KAT6A: variants seen among roughly 807,000 people sequenced by gnomAD.
KAT6A encodes histone acetyltransferase KAT6A.
KAT6A carries 9 observed loss-of-function variants against 198.4 expected under a neutral mutation model. That is an observed-to-expected ratio of 0.05 (90% confidence interval 0.03 to 0.08). The LOEUF is 0.08. Ranked by LOEUF, KAT6A falls within the 10% of genes least tolerant of loss-of-function variation. The pLI is 1.00. For missense variants in KAT6A, 2,077 were observed against 2,509.9 expected, an observed-to-expected ratio of 0.83 and a Z score of 3.69; for synonymous variants, 890 against 883.0, an observed-to-expected ratio of 1.01 and a Z score of -0.14.
intron 2 of KAT6A, among the ~76,000 whole-genome samples, chr8:42,008,404 C>T (rs1236596317): frequency 6.6e-6 from 1 of 152,156 alleles, no homozygotes; most frequent in African/African-American, 2.4e-5. Flanking sequence ...GTGGCACAAT[C>T]TTGGCTCACT....
At chr8:41,967,052 AT>A (rs1463845953) in intron 8 of KAT6A, among the ~76,000 whole-genome samples, 1 of 152,138 alleles carries the variant, frequency 6.6e-6, no homozygotes, top group Non-Finnish European at 1.5e-5. Context: ...ACGCAAAGAA[AT>A]TTTAATAACC....
intron 2 of KAT6A, among the ~76,000 whole-genome samples, chr8:42,043,212 A>T (rs1249599733): frequency 6.6e-6 from 1 of 152,240 alleles, no homozygotes; most frequent in Non-Finnish European, 1.5e-5. Context: ...ATAAATAATG[A>T]ATAACTGAAG....
In KAT6A at chr8:41,933,084, G is replaced by A. The variant is rs760164303; in HGVS notation, c.5136C>T (p.Thr1712=). Residue 1712 remains threonine (T), a synonymous_variant, in exon 17 of 17, where the codon ACC becomes ACT. Coordinates refer to ENST00000265713, the MANE Select transcript of KAT6A (RefSeq NM_006766.5). This position sits in a 1 kb window ranked among gnomAD's most constrained non-coding sequence, Gnocchi z 6.2. ...GTATCTCCATGATCATAGGAGCTGG[G>A]GTGAAACTGTTATTCATACTACACT... ...LSQCSMNNSF[T]PAPMIMEIPE... 6.2e-7 allele frequency: 1 copy of A among 1,612,746 alleles called. No homozygotes were observed. The highest frequency in any genetic ancestry group is 1.7e-5 in the Admixed American group (1 of 59,922).
At chr8:41,963,341 A>G (rs996416599) in intron 8 of KAT6A, among the ~76,000 whole-genome samples, 9 of 152,206 alleles carry the variant, frequency 5.9e-5, no homozygotes, top group African/African-American at 2.2e-4. Flanking sequence ...TAGATTTCAC[A>G]CAATCCCACA....
At chr8:41,937,929 G>A (rs1046227968) in intron 15 of KAT6A, among the ~76,000 whole-genome samples, 1 of 152,164 alleles carries the variant, frequency 6.6e-6, no homozygotes, top group African/African-American at 2.4e-5. Context: ...GAGCAAAAGA[G>A]AAATAAAAAC....
chr8:41,932,193 A>G lies in KAT6A; in HGVS notation c.*12T>C, dbSNP rs1231109337. 1 of 1,534,656 alleles carries G rather than the reference A, an allele frequency of 6.5e-7. No homozygotes were observed. On this transcript the variant is annotated 3_prime_UTR_variant, in exon 17 of 17. Coordinates refer to ENST00000265713, the MANE Select transcript of KAT6A (RefSeq NM_006766.5). ...ATATATATTTAAGTTTTTGATTGCA[A>G]GTTCATCTTGCTCATCTTCTCATGT... is the stretch of plus-strand genomic sequence containing the variant.
intron 2 of KAT6A, among the ~76,000 whole-genome samples, chr8:42,020,867 T>C (rs1826495156): frequency 6.6e-6 from 1 of 152,192 alleles, no homozygotes; most frequent in African/African-American, 2.4e-5. Flanking sequence ...ATTCCTAATA[T>C]GAACCAGGCC....
At chr8:41,941,650 A>G (rs913074230) in intron 14 of KAT6A, among the ~76,000 whole-genome samples, 6 of 152,216 alleles carry the variant, frequency 3.9e-5, no homozygotes, top group Non-Finnish European at 8.8e-5. Context: ...CCCAACAATC[A>G]TATGAAGTAT....
intron 2 of KAT6A, among the ~76,000 whole-genome samples, chr8:42,035,068 C>T (rs917542280): frequency 1.3e-5 from 2 of 152,138 alleles, no homozygotes; most frequent in East Asian, 3.8e-4. Context: ...GAAGAAACTA[C>T]TAAGGTAATC....
chr8:42,050,127 A>T (rs937690883), intron 1 of KAT6A, among the ~76,000 whole-genome samples: 2 of 152,218 alleles, frequency 1.3e-5, no homozygotes, highest in African/African-American at 4.8e-5. Flanking sequence ...CACATACTAC[A>T]TATCAAACGG....
At chr8:41,946,815 A>T in intron 11 of KAT6A, 131 bp from the exon 12 acceptor site, 1 of 620,716 alleles carries the variant, frequency 1.6e-6, no homozygotes, top group Non-Finnish European at 2.9e-6. Context: ...GTACATCAAC[A>T]AACAACTACC....
At position 41,933,588 on chromosome 8, in the gene KAT6A, C is replaced by T; in HGVS notation, c.4632G>A (p.Gln1544=). The T allele has an allele frequency of 6.2e-7, 1 of 1,614,162 alleles. No individual in the cohort carries two copies. Among genetic ancestry groups the T allele is most frequent in the East Asian group, 2.2e-5 (1 of 44,878 alleles). ...GGTCACTGAAGCCGCTGTCCACCAC[C>T]TGCTGAGAGTGGTCTGATACGGAAG... ...DVPSVSDHSQ[Q]VVDSGFSDLG... is the part of the protein sequence containing the mutation. Residue 1544 remains glutamine (Q), a synonymous_variant, in exon 17 of 17, where the codon CAG becomes CAA. Coordinates refer to ENST00000265713, the MANE Select transcript of KAT6A (RefSeq NM_006766.5). The surrounding 1 kb of genome is among the most constrained non-coding windows in gnomAD (Gnocchi z 6.2).
rs552499487 is a variant in KAT6A, at chr8:41,931,565, GGT to G, written c.*638_*639del. ...ACATTCTTGGGGAAGGGTTTCAAGA[GGT>G]GTGTGTGTGTGAGGAGTGGAGGGGA... On this transcript the variant is annotated 3_prime_UTR_variant, in exon 17 of 17. Transcript: ENST00000265713. 1.1e-4 allele frequency: 22 copies of G among 204,552 alleles called. No individual in the cohort carries two copies. The highest frequency in any genetic ancestry group is 1.2e-4 in the Non-Finnish European group (12 of 99,894). The allele number at this position is 204,552 out of a possible 1,614,324, so 12.7% of individuals were successfully genotyped here.
In KAT6A at chr8:42,048,262, T is replaced by C; in HGVS notation, c.600+116A>G. The C allele has an allele frequency of 7.7e-6, 8 of 1,034,266 alleles. No individual in the cohort carries two copies. The Admixed American group carries it at 1.6e-4, about 21-fold the overall frequency. 64.1% of individuals were successfully genotyped at this position (1,034,266 alleles called of 1,614,324 possible). A position where few individuals can be genotyped will look rare whatever the true frequency, so the allele number is the denominator to read the frequency against. On this transcript the variant is annotated intron_variant, in intron 2 of 16. Coordinates refer to ENST00000265713, the MANE Select transcript of KAT6A (RefSeq NM_006766.5). ...CAACTCACCAATAAAAAACCAGAGG[T>C]GATCACTCCACAGAAGTCCCCAAAC... is the stretch of plus-strand genomic sequence containing the variant.
chr8:42,010,848 C>A (rs1399769545), intron 2 of KAT6A, among the ~76,000 whole-genome samples: 1 of 152,168 alleles, frequency 6.6e-6, no homozygotes, highest in Non-Finnish European at 1.5e-5. Flanking sequence ...CCTAAGCCTA[C>A]TGGCAAAGAA....
At chr8:41,990,949 T>C (rs1293859294) in intron 2 of KAT6A, among the ~76,000 whole-genome samples, 1 of 133,724 alleles carries the variant, frequency 7.5e-6, no homozygotes, top group East Asian at 2.1e-4. Flanking sequence ...GAGCCAAGAT[T>C]GTGCCATTGC....
chr8:42,001,761 T>C (rs1034786181), intron 2 of KAT6A, among the ~76,000 whole-genome samples: 1 of 152,150 alleles, frequency 6.6e-6, no homozygotes, highest in Non-Finnish European at 1.5e-5. Context: ...GAAATTCTCC[T>C]ACAACAAGGA....
chr8:42,032,682 G>A (rs374506124), intron 2 of KAT6A, among the ~76,000 whole-genome samples: 1 of 151,992 alleles, frequency 6.6e-6, no homozygotes, highest in Non-Finnish European at 1.5e-5. Context: ...GCACATTAAC[G>A]AATGCCACGT....
At chr8:42,045,910 G>A (rs1388700995) in intron 2 of KAT6A, among the ~76,000 whole-genome samples, 20 of 151,722 alleles carry the variant, frequency 1.3e-4, no homozygotes, top group African/African-American at 4.8e-4. Flanking sequence ...GCTTGAACCC[G>A]GGAGGCGAAG....
Sources: gnomAD v4.1 joint callset for allele counts (sites outside exome capture counted in the v4.1 genomes callset) on GRCh38, gnomAD v4.1.1 for gene constraint, Gnocchi (gnomAD v3.1) non-coding constraint, MANE v1.5 for transcripts, NCBI Gene and HGNC (gene_info 2026-07-23, HGNC 2026-07-21) for gene names.